NLGN1: variants seen among roughly 807,000 people sequenced by gnomAD.
NLGN1 encodes neuroligin 1.
In NLGN1, 12 loss-of-function variants were observed where a neutral mutation model predicts 65.5. The ratio of observed to expected loss-of-function variants is 0.18; its 90% CI spans 0.12 to 0.30. The LOEUF is 0.30. NLGN1 is among the 10% of genes least tolerant of loss of function. The pLI is 1.00. For missense variants in NLGN1, 750 were observed against 1,007.1 expected (o/e 0.74, Z 3.46); for synonymous variants, 350 against 359.5 (o/e 0.97, Z 0.30).
intron 4 of NLGN1, among the ~76,000 whole-genome samples, chr3:174,119,213 C>A (rs1561086841): frequency 6.6e-6 from 1 of 152,050 alleles, no homozygotes. Flanking sequence ...CAGAAGCTAC[C>A]ATTAGAGTTT....
chr3:174,030,951 T>A (rs543037557), intron 4 of NLGN1, among the ~76,000 whole-genome samples: 1 of 152,256 alleles, frequency 6.6e-6, no homozygotes, highest in African/African-American at 2.4e-5. Context: ...ATGCCACACA[T>A]CTTAAGTACC....
At chr3:173,694,655 T>C (rs552825379) in intron 3 of NLGN1, among the ~76,000 whole-genome samples, 1 of 152,318 alleles carries the variant, frequency 6.6e-6, no homozygotes, top group African/African-American at 2.4e-5. Context: ...ATAGGTACCA[T>C]TGAAAATATT....
chr3:173,438,693 C>T (rs543485584), intron 2 of NLGN1, among the ~76,000 whole-genome samples: 1 of 152,158 alleles, frequency 6.6e-6, no homozygotes, highest in South Asian at 2.1e-4. Context: ...AATAGTCTCT[C>T]ACACGTTTCA....
chr3:173,443,162 G>A (rs597760), intron 2 of NLGN1, among the ~76,000 whole-genome samples: 90,719 of 151,376 alleles, frequency 0.6, 29,366 homozygotes, highest in East Asian at 0.92. Context: ...TCACTTGATC[G>A]CAGGAATTGG....
At chr3:173,914,779 A>G (rs1184571146) in intron 4 of NLGN1, 1 of 152,180 alleles carries the variant, frequency 6.6e-6, no homozygotes, top group Non-Finnish European at 1.5e-5. Flanking sequence ...GTTTCCTGAT[A>G]TAGGCTCTTC....
chr3:173,427,887 T>C (rs1716431770), intron 1 of NLGN1, among the ~76,000 whole-genome samples: 1 of 151,480 alleles, frequency 6.6e-6, no homozygotes, highest in Non-Finnish European at 1.5e-5. Context: ...GGAGGACTTG[T>C]TCATTGCTTA....
intron 2 of NLGN1, among the ~76,000 whole-genome samples, chr3:173,556,155 C>T (rs1024068335): frequency 1.3e-5 from 2 of 152,108 alleles, no homozygotes; most frequent in African/African-American, 2.4e-5. Context: ...CTTTTTCATT[C>T]ATGACATGCC....
At chr3:174,277,705 T>A (rs1362922331) in intron 5 of NLGN1, among the ~76,000 whole-genome samples, 1 of 151,938 alleles carries the variant, frequency 6.6e-6, no homozygotes, top group Admixed American at 6.6e-5. Context: ...ATTTTTTTAA[T>A]ATCTTCAGAA....
At chr3:174,234,985 CTTTTTTTTTTTT>C (rs748911027) in intron 4 of NLGN1, among the ~76,000 whole-genome samples, 4 of 65,748 alleles carry the variant, frequency 6.1e-5, no homozygotes, top group South Asian at 7.9e-4. Flanking sequence ...AAGGAATCAC[CTTTTTTTTTTTT>C]TTTTTTTTTT....
At chr3:173,724,253 A>C (rs777971795) in intron 3 of NLGN1, among the ~76,000 whole-genome samples, 1 of 152,158 alleles carries the variant, frequency 6.6e-6, no homozygotes, top group Non-Finnish European at 1.5e-5. Context: ...ATCACCTACA[A>C]TTGTGTTTCT....
intron 3 of NLGN1, among the ~76,000 whole-genome samples, chr3:173,652,758 A>G (rs1014090700): frequency 2.0e-5 from 3 of 151,944 alleles, no homozygotes; most frequent in Non-Finnish European, 4.4e-5. Context: ...ACATTTTAGG[A>G]TGTTTTCTCT....
chr3:173,500,289 T>A (rs546209083), intron 2 of NLGN1, among the ~76,000 whole-genome samples: 29 of 152,316 alleles, frequency 1.9e-4, no homozygotes, highest in Middle Eastern at 6.8e-3. Flanking sequence ...CAAAGGCCTT[T>A]TCTGCATCTA....
intron 4 of NLGN1, among the ~76,000 whole-genome samples, chr3:173,997,381 A>G (rs10513721): frequency 0.19 from 29,050 of 152,020 alleles, 2,956 homozygotes; most frequent in East Asian, 0.33. Context: ...AGGATTCTGC[A>G]TCTTTCAAAT....
intron 4 of NLGN1, among the ~76,000 whole-genome samples, chr3:174,226,431 T>TG (rs1309949769): frequency 5.3e-5 from 8 of 152,110 alleles, no homozygotes; most frequent in Non-Finnish European, 1.2e-4. Context: ...CCAGTTGTTT[T>TG]GGGGGTTGTT....
intron 3 of NLGN1, among the ~76,000 whole-genome samples, chr3:173,668,503 C>G (rs1762020787): frequency 6.6e-6 from 1 of 151,988 alleles, no homozygotes; most frequent in Non-Finnish European, 1.5e-5. Flanking sequence ...GGATAGCTAT[C>G]TGTGTATGTC....
At chr3:174,118,566 C>T (rs774334408) in intron 4 of NLGN1, among the ~76,000 whole-genome samples, 2 of 152,042 alleles carry the variant, frequency 1.3e-5, no homozygotes, top group Non-Finnish European at 2.9e-5. Flanking sequence ...AATGTATTCA[C>T]TTGTGGTAGA....
At chr3:174,084,624 G>T (rs1404701738) in intron 4 of NLGN1, among the ~76,000 whole-genome samples, 1 of 152,026 alleles carries the variant, frequency 6.6e-6, no homozygotes, top group African/African-American at 2.4e-5. Context: ...AAAATGGTAA[G>T]AAGGGATTAT....
At chr3:174,277,367 A>G (rs974243773) in intron 5 of NLGN1, among the ~76,000 whole-genome samples, 1 of 151,678 alleles carries the variant, frequency 6.6e-6, no homozygotes, top group Non-Finnish European at 1.5e-5. Flanking sequence ...ACAAACATAC[A>G]TTTTTCCCAT....
intron 4 of NLGN1, among the ~76,000 whole-genome samples, chr3:174,101,112 A>T (rs561221391): frequency 2.0e-5 from 3 of 152,048 alleles, no homozygotes; most frequent in Non-Finnish European, 2.9e-5. Context: ...TTACTTATAA[A>T]ATTGGGACAG....
Sources: allele counts gnomAD v4.1 joint callset (sites outside exome capture counted in the v4.1 genomes callset), GRCh38; gene constraint gnomAD v4.1.1; transcripts MANE v1.5; gene names NCBI Gene and HGNC (gene_info 2026-07-23, HGNC 2026-07-21).